PAIP2B: variants seen among roughly 807,000 people sequenced by gnomAD.
PAIP2B encodes the protein poly(A) binding protein interacting protein 2B, also known as polyadenylate-binding protein-interacting protein 2B.
Under a neutral mutation model 17.0 loss-of-function variants are expected in PAIP2B, and 13 were observed. The ratio of observed to expected loss-of-function variants is 0.76; its 90% CI spans 0.50 to 1.22. The LOEUF is 1.22. Ranked by LOEUF, PAIP2B falls within the 50% of genes most tolerant of loss-of-function variation. PAIP2B has a pLI of 0.00. For missense variants in PAIP2B, 117 were observed against 144.5 expected, an observed-to-expected ratio of 0.81 and a Z score of 0.98; for synonymous variants, 43 against 48.7, an observed-to-expected ratio of 0.88 and a Z score of 0.48.
intron 3 of PAIP2B, 128 bp downstream of exon 3, chr2:71,189,717 G>A (rs912344837): frequency 1.3e-5 from 11 of 837,610 alleles, no homozygotes; most frequent in African/African-American, 3.5e-5. Flanking sequence ...CCCATAAAAC[G>A]AGCAAAGAAA....
chr2:71,214,876 T>C (rs941268390), intron 1 of PAIP2B, among the ~76,000 whole-genome samples: 3 of 152,170 alleles, frequency 2.0e-5, no homozygotes, highest in South Asian at 2.1e-4. Context: ...TTTCCAAGGA[T>C]GATTAGATCA....
intron 2 of PAIP2B, among the ~76,000 whole-genome samples, chr2:71,199,164 T>A (rs1314380824): frequency 6.6e-6 from 1 of 152,232 alleles, no homozygotes; most frequent in African/African-American, 2.4e-5. Flanking sequence ...TTCTGAAGCA[T>A]TTTAATTCAG....
At chr2:71,221,193 G>A (rs987850704) in intron 1 of PAIP2B, among the ~76,000 whole-genome samples, 1 of 152,218 alleles carries the variant, frequency 6.6e-6, no homozygotes. Flanking sequence ...CTCTGGCCAA[G>A]CCCATTCATA....
intron 2 of PAIP2B, among the ~76,000 whole-genome samples, chr2:71,199,408 TAA>T (rs61527424): frequency 5.3e-4 from 73 of 137,294 alleles, no homozygotes; most frequent in Non-Finnish European, 5.3e-4. Context: ...AAGCTTAGAG[TAA>T]AAAAAAAAAA....
chr2:71,222,807 A>G (rs996572176), intron 1 of PAIP2B, among the ~76,000 whole-genome samples: 4 of 152,226 alleles, frequency 2.6e-5, no homozygotes, highest in Non-Finnish European at 4.4e-5. Flanking sequence ...TGATTCTTCT[A>G]TAATATCCTG....
At chr2:71,192,950 T>C (rs1558772501) in intron 2 of PAIP2B, among the ~76,000 whole-genome samples, 1 of 152,212 alleles carries the variant, frequency 6.6e-6, no homozygotes, top group Non-Finnish European at 1.5e-5. Context: ...CCTCTGGGTC[T>C]ACAACCAGTA....
At chr2:71,225,952 G>T (rs987681331) in intron 1 of PAIP2B, among the ~76,000 whole-genome samples, 3 of 152,138 alleles carry the variant, frequency 2.0e-5, no homozygotes, top group Non-Finnish European at 2.9e-5. Context: ...TGACAAAGTA[G>T]GGTAGCCAGG....
intron 2 of PAIP2B, among the ~76,000 whole-genome samples, chr2:71,197,762 G>A (rs964209313): frequency 4.6e-5 from 7 of 152,160 alleles, no homozygotes; most frequent in African/African-American, 7.2e-5. Context: ...CATGGATGGC[G>A]GCAAGCAAAG....
chr2:71,203,328 T>C lies in PAIP2B; in HGVS notation c.-11-728A>G, dbSNP rs1191694528. 2.0e-5 allele frequency among the ~76,000 whole-genome samples: 3 copies of C among 152,278 alleles called. No individual in the cohort carries two copies. In the East Asian group the frequency reaches 5.8e-4, roughly 29 times the overall value. ...GGGGTGTTTCCAATGTTTCTGTTTA[T>C]AAAGGTTCTCCTTTATAAAGGTCTT... On this transcript the variant is annotated intron_variant, in intron 1 of 3. Transcript: ENST00000244221.
chr2:71,220,705 A>G lies in PAIP2B; in HGVS notation c.-12+6223T>C, dbSNP rs192543761. 3.3e-5 allele frequency among the ~76,000 whole-genome samples: 5 copies of G among 152,266 alleles called. No homozygotes were observed. The East Asian group carries it at 7.7e-4, about 23-fold the overall frequency. On this transcript the variant is annotated intron_variant, in intron 1 of 3. Transcript: ENST00000244221. The stretch of plus-strand genomic sequence containing the variant: ...GAGACAGGGTCTTGCTCTGTTGACC[A>G]GGCTGGTCTTGAACTCCTGGATTCT...
intron 1 of PAIP2B, among the ~76,000 whole-genome samples, chr2:71,216,532 C>A (rs1229618135): frequency 3.3e-5 from 5 of 151,608 alleles, no homozygotes; most frequent in African/African-American, 1.2e-4. Flanking sequence ...TCATCCCAGA[C>A]CAAAGAGCTT....
intron 2 of PAIP2B, among the ~76,000 whole-genome samples, chr2:71,195,240 T>C (rs907554352): frequency 2.6e-5 from 4 of 152,244 alleles, no homozygotes; most frequent in Middle Eastern, 3.2e-3. Flanking sequence ...CCTTGTAGAA[T>C]GAGTTGGGGA....
At chr2:71,220,751 T>C (rs1675562394) in intron 1 of PAIP2B, among the ~76,000 whole-genome samples, 1 of 152,228 alleles carries the variant, frequency 6.6e-6, no homozygotes, top group African/African-American at 2.4e-5. Flanking sequence ...CCTCCCAAAG[T>C]GCTGGTATTA....
At chr2:71,191,805 C>T (rs1448873673) in intron 2 of PAIP2B, among the ~76,000 whole-genome samples, 3 of 152,156 alleles carry the variant, frequency 2.0e-5, no homozygotes, top group East Asian at 1.9e-4. Flanking sequence ...AGAGCAATAC[C>T]GTGGAAGGGA....
In PAIP2B at chr2:71,186,667, C is replaced by G. The variant is rs1674549736; in HGVS notation, c.*1812G>C. On this transcript the variant is annotated 3_prime_UTR_variant, in exon 4 of 4. Coordinates refer to ENST00000244221, the MANE Select transcript of PAIP2B (RefSeq NM_020459.1). ...GAAACAACCCAGCTGAAAGCTGAAG[C>G]TTGAATAAAGAAGTTTCTTTATTCA... 6.6e-6 allele frequency: 1 copy of G among 152,204 alleles called. No individual in the cohort carries two copies. Among genetic ancestry groups the G allele is most frequent in the Admixed American group, 6.5e-5 (1 of 15,276 alleles). The allele number at this position is 152,204 out of a possible 1,614,324, so 9.4% of individuals were successfully genotyped here.
Position 71,184,921 on chromosome 2 carries a change from C to A in PAIP2B, c.*3558G>T, listed in dbSNP as rs1364916076. ...TTTCAATACCTCAATATCACCTAAA[C>A]TGAGAAAGATTATTAGCCCGTGATG... is the stretch of plus-strand genomic sequence containing the variant. On this transcript the variant is annotated 3_prime_UTR_variant, in exon 4 of 4. Transcript: ENST00000244221. The A allele has an allele frequency of 6.6e-6, 1 of 152,182 alleles. No individual in the cohort carries two copies. Among genetic ancestry groups the A allele is most frequent in the East Asian group, 1.9e-4 (1 of 5,192 alleles). The allele number at this position is 152,182 out of a possible 1,614,324, so 9.4% of individuals were successfully genotyped here.
intron 2 of PAIP2B, among the ~76,000 whole-genome samples, chr2:71,194,754 C>T (rs2103764432): frequency 6.6e-6 from 1 of 152,246 alleles, no homozygotes; most frequent in East Asian, 1.9e-4. Context: ...GCTAGGACTT[C>T]CAATACTATG....
intron 1 of PAIP2B, among the ~76,000 whole-genome samples, chr2:71,216,445 C>T (rs1032867022): frequency 2.0e-5 from 3 of 152,172 alleles, no homozygotes; most frequent in African/African-American, 4.8e-5. Flanking sequence ...CTGTGTATTG[C>T]TTGTAACCTG....
intron 2 of PAIP2B, among the ~76,000 whole-genome samples, chr2:71,199,805 C>G (rs1392953489): frequency 6.6e-6 from 1 of 152,142 alleles, no homozygotes; most frequent in Non-Finnish European, 1.5e-5. Flanking sequence ...GTGAGAGGAC[C>G]ACTTGTGCCT....
Sources: gnomAD v4.1 joint callset for allele counts (sites outside exome capture counted in the v4.1 genomes callset) on GRCh38, gnomAD v4.1.1 for gene constraint, MANE v1.5 for transcripts, NCBI Gene and HGNC (gene_info 2026-07-23, HGNC 2026-07-21) for gene names.